Variants in NHERF4 observed in about 807,000 individuals in gnomAD.
NHERF4 encodes the protein NHERF family PDZ scaffold protein 4, also known as Na(+)/H(+) exchange regulatory cofactor NHE-RF4.
the NHERF4 span, chr11:119,186,663 T>A: frequency 6.2e-7 from 1 of 1,609,566 alleles, no homozygotes; most frequent in South Asian, 1.1e-5. This position sits in a 1 kb window ranked among gnomAD's most constrained non-coding sequence, Gnocchi z 4.4. Flanking sequence ...TGAACAATGA[T>A]GTTGTGGAAC....
the NHERF4 span, chr11:119,186,536 G>A: frequency 1.2e-6 from 2 of 1,614,228 alleles, no homozygotes; most frequent in Non-Finnish European, 1.7e-6. This position sits in a 1 kb window ranked among gnomAD's most constrained non-coding sequence, Gnocchi z 4.4. Flanking sequence ...GAGGGCAAGA[G>A]TTTTGGCTTC....
the NHERF4 span, chr11:119,187,694 C>A: frequency 6.6e-7 from 1 of 1,507,666 alleles, no homozygotes; most frequent in Admixed American, 2.4e-5. Context: ...ACCAACTCAC[C>A]AGGAAGGTGT....
the NHERF4 span, chr11:119,188,602 T>C: frequency 1.2e-6 from 2 of 1,611,256 alleles, no homozygotes; most frequent in Non-Finnish European, 1.7e-6. Flanking sequence ...GGGGCAGGGC[T>C]GAGGTCCGAA....
chr11:119,188,582 G>A, the NHERF4 span: 3 of 1,606,348 alleles, frequency 1.9e-6, no homozygotes, highest in Admixed American at 3.4e-5. Context: ...GCTAGGGTTG[G>A]GGCAGGAGTG....
At chr11:119,188,015 T>A in the NHERF4 span, 1 of 1,563,572 alleles carries the variant, frequency 6.4e-7, no homozygotes, top group Non-Finnish European at 8.7e-7. Context: ...CCAGCTGGGA[T>A]TGCCCCTGGC....
chr11:119,186,325 G>A, the NHERF4 span: 4 of 1,571,628 alleles, frequency 2.5e-6, no homozygotes, highest in Non-Finnish European at 3.5e-6. This position sits in a 1 kb window ranked among gnomAD's most constrained non-coding sequence, Gnocchi z 4.4. Flanking sequence ...TCCTGTCCCA[G>A]TCCCTCTGCC....
At chr11:119,187,649 A>C in the NHERF4 span, 1 of 1,556,822 alleles carries the variant, frequency 6.4e-7, no homozygotes, top group South Asian at 1.2e-5. Context: ...GGCTGCTGGA[A>C]GTGAATGGGG....
chr11:119,190,001 G>C, the NHERF4 span: 6 of 401,204 alleles, frequency 1.5e-5, no homozygotes, highest in Non-Finnish European at 2.2e-5. The surrounding 1 kb of genome is among the most constrained non-coding windows in gnomAD (Gnocchi z 4.2). Context: ...GGTGTGAAGG[G>C]ACCAAAAGGG....
At chr11:119,186,711 A>G in the NHERF4 span, 1 of 1,576,562 alleles carries the variant, frequency 6.3e-7, no homozygotes, top group Non-Finnish European at 8.6e-7. This position sits in a 1 kb window ranked among gnomAD's most constrained non-coding sequence, Gnocchi z 4.4. Context: ...GGTCCAGGAG[A>G]GCATGCTAGC....
chr11:119,188,800 G>A, the NHERF4 span: 3 of 1,614,164 alleles, frequency 1.9e-6, no homozygotes. Flanking sequence ...CTGTACCCTG[G>A]GCCTGGTGGC....
the NHERF4 span, chr11:119,189,167 C>G: frequency 6.2e-7 from 1 of 1,612,606 alleles, no homozygotes; most frequent in African/African-American, 1.3e-5. The surrounding 1 kb of genome is among the most constrained non-coding windows in gnomAD (Gnocchi z 5.8). Flanking sequence ...CAGGTCTCTG[C>G]GGGGCTTGGA....
chr11:119,186,909 C>T, the NHERF4 span, among the ~76,000 whole-genome samples: 1 of 152,048 alleles, frequency 6.6e-6, no homozygotes, highest in East Asian at 1.9e-4. The surrounding 1 kb of genome is among the most constrained non-coding windows in gnomAD (Gnocchi z 4.4). Context: ...GAGGCCAAGG[C>T]AGGTGGATCA....
chr11:119,189,282 C>T, the NHERF4 span: 1,497 of 1,521,264 alleles, frequency 9.8e-4, 4 homozygotes, highest in Non-Finnish European at 1.3e-3. The surrounding 1 kb of genome is among the most constrained non-coding windows in gnomAD (Gnocchi z 5.8). Flanking sequence ...GCAGAGTGGG[C>T]GAGGTACAAG....
chr11:119,185,655 A>G, the NHERF4 span: 1 of 810,162 alleles, frequency 1.2e-6, no homozygotes, highest in Admixed American at 2.1e-5. Flanking sequence ...AAAAGTAATG[A>G]GTTGATATGT....
the NHERF4 span, chr11:119,187,158 A>AT: frequency 1.6e-5 from 13 of 828,354 alleles, no homozygotes; most frequent in South Asian, 2.2e-5. Context: ...AAAAAAAAAA[A>AT]GAAAAAGAAA....
At chr11:119,187,509 C>G in the NHERF4 span, 6 of 1,612,528 alleles carry the variant, frequency 3.7e-6, no homozygotes, top group Non-Finnish European at 4.2e-6. Flanking sequence ...ATCTCAGCCC[C>G]TGTTCAGGGC....
chr11:119,185,537 A>AG, the NHERF4 span: 1 of 1,611,342 alleles, frequency 6.2e-7, no homozygotes, highest in South Asian at 1.1e-5. Flanking sequence ...AATCCTCTGC[A>AG]GGGGACTTTG....
At chr11:119,188,035 G>A in the NHERF4 span, 2 of 1,556,964 alleles carry the variant, frequency 1.3e-6, no homozygotes, top group South Asian at 1.2e-5. Flanking sequence ...CTGCACCCCT[G>A]GCAGAGGGCT....
At chr11:119,187,482 G>A in the NHERF4 span, 1 of 1,613,712 alleles carries the variant, frequency 6.2e-7, no homozygotes, top group Non-Finnish European at 8.5e-7. Context: ...GGTGCGAGGG[G>A]GCGGCAAGGA....
Sources: allele counts gnomAD v4.1 joint callset (sites outside exome capture counted in the v4.1 genomes callset), GRCh38; gene constraint gnomAD v4.1.1; non-coding constraint Gnocchi (gnomAD v3.1); transcripts MANE v1.5; gene names NCBI Gene and HGNC (gene_info 2026-07-23, HGNC 2026-07-21).